The following LRP6 variants were observed in gnomAD, a reference collection of about 807,000 sequenced individuals.
LRP6 encodes the protein low-density lipoprotein receptor-related protein 6.
A neutral mutation model predicts 184.1 loss-of-function variants in LRP6; 43 were observed. That is an observed-to-expected ratio of 0.23 (90% CI 0.18 to 0.30). The LOEUF is 0.30. Ranked by LOEUF, LRP6 falls within the 10% of genes least tolerant of loss-of-function variation. The probability of loss-of-function intolerance (pLI) is 1.00; values close to 1 mark genes in which losing one functional copy is unlikely to be tolerated. For synonymous variants in LRP6, 719 were observed against 684.9 expected (o/e 1.05, Z -0.78); for missense variants, 1,571 against 2,005.3 (o/e 0.78, Z 4.14).
chr12:12,158,300 T>G (rs1862649268), intron 12 of LRP6, among the ~76,000 whole-genome samples: 1 of 152,198 alleles, frequency 6.6e-6, no homozygotes, highest in African/African-American at 2.4e-5. Flanking sequence ...ACACTTAATA[T>G]TTAATGTCCA....
At chr12:12,193,958 A>T (rs1863684937) in intron 3 of LRP6, among the ~76,000 whole-genome samples, 1 of 152,140 alleles carries the variant, frequency 6.6e-6, no homozygotes, top group African/African-American at 2.4e-5. Flanking sequence ...AATATTAGCA[A>T]ACCAAATCTA....
chr12:12,150,983 A>G lies in LRP6; in HGVS notation c.2847T>C (p.Ile949=). Residue 949 remains isoleucine, a synonymous_variant, in exon 13 of 23, where the codon ATT becomes ATC. Coordinates refer to ENST00000261349, the MANE Select transcript of LRP6 (RefSeq NM_002336.3). ...TGATGTCGGGGCTCTGTTGTTCATC[A>G]ATCACCATGCGGTTGATGGCACTCT... is the stretch of plus-strand genomic sequence containing the variant. ...SQKSAINRMV[I]DEQQSPDIIL... The G allele has an allele frequency of 6.2e-7, 1 of 1,614,166 alleles. No individual in the cohort carries two copies. The highest frequency in any genetic ancestry group is 8.5e-7 in the Non-Finnish European group (1 of 1,180,012).
intron 2 of LRP6, among the ~76,000 whole-genome samples, chr12:12,241,640 G>A (rs10845498): frequency 0.8 from 121,895 of 151,860 alleles, 48,993 homozygotes; most frequent in East Asian, 0.83. Flanking sequence ...GAATTTACCC[G>A]CTCTCTCTCC....
At chr12:12,180,102 G>GAA (rs377273579) in intron 6 of LRP6, 121 bp from the exon 7 acceptor site, 433 of 552,754 alleles carry the variant, frequency 7.8e-4, no homozygotes, top group South Asian at 1.6e-3. Flanking sequence ...CAAGGAAGGG[G>GAA]AAAAAAAAAA....
At chr12:12,132,134 G>A in intron 17 of LRP6, 77 bp from the exon 18 acceptor site, 1 of 876,868 alleles carries the variant, frequency 1.1e-6, no homozygotes, top group Non-Finnish European at 2.0e-6. Flanking sequence ...ATACCTGAGT[G>A]AAGCTCATTT....
chr12:12,156,411 G>A (rs965882161), intron 12 of LRP6, among the ~76,000 whole-genome samples: 1 of 152,200 alleles, frequency 6.6e-6, no homozygotes, highest in East Asian at 1.9e-4. Context: ...GCTGAGGTTA[G>A]AGAAGAAAAC....
chr12:12,121,447 G>T, intron 22 of LRP6, 27 bp from the exon 23 acceptor site: 1 of 1,608,604 alleles, frequency 6.2e-7, no homozygotes. Flanking sequence ...ATAAAGAGAA[G>T]CAGTTAGTTT....
rs891069748 is a variant in LRP6, at chr12:12,116,822, G to C, written c.*4304C>G. The stretch of plus-strand genomic sequence containing the variant: ...AAAAACAGCAAAGTTTACCTCAATT[G>C]AAAGAGGGTGAGGGTAGAGTCAGTA... On this transcript the variant is annotated 3_prime_UTR_variant, in exon 23 of 23. Transcript: ENST00000261349. 12 of 152,138 alleles carry C rather than the reference G, an allele frequency of 7.9e-5. No individual in the cohort carries two copies. The highest frequency in any genetic ancestry group is 2.9e-4 in the African/African-American group (12 of 41,426). The allele number at this position is 152,138 out of a possible 1,614,324, so 9.4% of individuals were successfully genotyped here.
intron 18 of LRP6, 27 bp downstream of exon 18, chr12:12,131,794 G>A (rs753716850): frequency 1.9e-6 from 3 of 1,573,048 alleles, no homozygotes; most frequent in Non-Finnish European, 1.8e-6. Flanking sequence ...AGGATTGCAT[G>A]CTGAGGCACT....
At chr12:12,161,227 G>A (rs1056006069) in intron 10 of LRP6, among the ~76,000 whole-genome samples, 31 of 152,170 alleles carry the variant, frequency 2.0e-4, no homozygotes, top group African/African-American at 7.5e-4. Flanking sequence ...ATTATTTTAA[G>A]TAGCAAATAC....
intron 7 of LRP6, among the ~76,000 whole-genome samples, chr12:12,174,718 T>C (rs1863128203): frequency 6.6e-6 from 1 of 152,210 alleles, no homozygotes; most frequent in Non-Finnish European, 1.5e-5. Context: ...AAGGAAGTTA[T>C]CATAGGAAAA....
intron 2 of LRP6, among the ~76,000 whole-genome samples, chr12:12,227,371 G>A (rs1057195564): frequency 1.3e-5 from 2 of 150,334 alleles, no homozygotes; most frequent in Non-Finnish European, 3.0e-5. Flanking sequence ...CGGCATTAGA[G>A]AAGGAATAAG....
At chr12:12,138,614 TTAGATTCTACAGG>T (rs1490186393) in intron 15 of LRP6, 80 bp from the exon 16 acceptor site, 2 of 1,369,624 alleles carry the variant, frequency 1.5e-6, no homozygotes, top group African/African-American at 2.9e-5. Flanking sequence ...TGACTACCAG[TTAGATTCTACAGG>T]TAGAGAAAAG....
At chr12:12,251,880 T>G (rs754629596) in intron 1 of LRP6, among the ~76,000 whole-genome samples, 26 of 152,208 alleles carry the variant, frequency 1.7e-4, no homozygotes, top group Non-Finnish European at 1.2e-4. Context: ...TTTCAATATT[T>G]TTTTTAAGAG....
chr12:12,244,936 G>A (rs1473854440), intron 1 of LRP6, among the ~76,000 whole-genome samples: 1 of 152,128 alleles, frequency 6.6e-6, no homozygotes, highest in East Asian at 1.9e-4. Context: ...CCAAGAATTG[G>A]CAATAATATG....
chr12:12,235,685 G>A (rs1175743319), intron 2 of LRP6, among the ~76,000 whole-genome samples: 4 of 151,786 alleles, frequency 2.6e-5, no homozygotes, highest in East Asian at 1.9e-4. Context: ...AGCCGAGATC[G>A]CGCCATTGCA....
chr12:12,154,199 A>G (rs1950118836), intron 12 of LRP6, among the ~76,000 whole-genome samples: 1 of 152,096 alleles, frequency 6.6e-6, no homozygotes. Context: ...TTCCTCTAAC[A>G]TGTCGGACAT....
intron 10 of LRP6, among the ~76,000 whole-genome samples, chr12:12,161,270 T>G (rs1428369585): frequency 6.6e-6 from 1 of 152,178 alleles, no homozygotes; most frequent in Non-Finnish European, 1.5e-5. Context: ...CACTGTTTAC[T>G]TCTTTTTTTT....
Position 12,138,545 on chromosome 12 carries a change from G to C in LRP6, c.3398-11C>G, listed in dbSNP as rs2075241. On this transcript the variant is annotated splice_polypyrimidine_tract_variant and intron_variant, in intron 15 of 22. Coordinates refer to ENST00000261349, the MANE Select transcript of LRP6 (RefSeq NM_002336.3). ...CTATCCGGTTAGCACCTTGGAAAAG[G>C]AGAAAATTCAACAGAAATGACTCAT... 0.17 allele frequency: 273,882 copies of C among 1,609,070 alleles called. 24,476 individuals are homozygous for C. Among genetic ancestry groups the C allele is most frequent in the African/African-American group, 0.24 (18,201 of 74,782 alleles).
Sources: gnomAD v4.1 joint callset for allele counts (sites outside exome capture counted in the v4.1 genomes callset) on GRCh38, gnomAD v4.1.1 for gene constraint, MANE v1.5 for transcripts, NCBI Gene and HGNC (gene_info 2026-07-23, HGNC 2026-07-21) for gene names.